Variants in KANK1 observed in about 807,000 individuals in gnomAD.
KANK1 encodes the protein KN motif and ankyrin repeat domains 1, also known as KN motif and ankyrin repeat domain-containing protein 1.
KANK1 carries 109 observed loss-of-function variants against 106.2 expected under a neutral mutation model. The observed-to-expected ratio is 1.03, with a 90% CI of 0.88 to 1.20. The LOEUF (loss-of-function observed/expected upper bound fraction) is 1.20, where lower values mean the gene tolerates loss of function less well. KANK1 is among the 50% of genes most tolerant of loss of function. The pLI is 0.00. For missense variants in KANK1, 2,399 were observed against 1,710.7 expected (o/e 1.40, Z -7.10); for synonymous variants, 873 against 652.2 (o/e 1.34, Z -5.16).
At chr9:602,042 G>C (rs1316362141) in intron 1 of KANK1, among the ~76,000 whole-genome samples, 1 of 151,836 alleles carries the variant, frequency 6.6e-6, no homozygotes, top group Non-Finnish European at 1.5e-5. Flanking sequence ...TCACTTTGAT[G>C]TAAAGTCATT....
In KANK1 at chr9:711,219, C is replaced by T. The variant is rs139301285; in HGVS notation, c.453C>T (p.Asn151=). 1.0e-4 allele frequency: 166 copies of T among 1,614,166 alleles called. No homozygotes were observed. In the African/African-American group the frequency reaches 1.9e-3, roughly 19 times the overall value. The stretch of plus-strand genomic sequence containing the variant: ...CCTCACCACAACTCCCAAAGCATAA[C>T]CTTCATGTCACCAAGACACTGATGG... ...PPPSPQLPKH[N]LHVTKTLMET... The change falls in exon 3 of 12, where the codon AAC becomes AAT. Residue 151 remains asparagine, a synonymous_variant. Coordinates refer to ENST00000382297, the MANE Select transcript of KANK1 (RefSeq NM_015158.5).
chr9:539,545 CA>C (rs1272861311), intron 1 of KANK1: 3 of 152,074 alleles, frequency 2.0e-5, no homozygotes, highest in Non-Finnish European at 4.4e-5. Context: ...AGCTAGAGTG[CA>C]GTGGTGCGAT....
At chr9:665,302 G>A (rs1844319250) in intron 1 of KANK1, among the ~76,000 whole-genome samples, 2 of 152,144 alleles carry the variant, frequency 1.3e-5, no homozygotes, top group Non-Finnish European at 2.9e-5. Flanking sequence ...AATTTCAGGT[G>A]TTAGATTTAA....
chr9:575,205 G>A (rs1274215781), intron 1 of KANK1, among the ~76,000 whole-genome samples: 1 of 152,190 alleles, frequency 6.6e-6, no homozygotes, highest in East Asian at 1.9e-4. Flanking sequence ...CCTTAAAACT[G>A]CATAGTAATA....
At chr9:575,405 T>G (rs1227917529) in intron 1 of KANK1, among the ~76,000 whole-genome samples, 19 of 152,042 alleles carry the variant, frequency 1.2e-4, no homozygotes. Context: ...CAGTGGCTCT[T>G]GCCTGTAATT....
chr9:485,175 G>A (rs1331004751), intron 3 of KANK1, among the ~76,000 whole-genome samples: 1 of 152,088 alleles, frequency 6.6e-6, no homozygotes, highest in Non-Finnish European at 1.5e-5. Context: ...TCAGGGAGTG[G>A]GTGTGGTATT....
intron 1 of KANK1, among the ~76,000 whole-genome samples, chr9:561,355 G>T (rs1243192698): frequency 2.0e-5 from 3 of 152,034 alleles, no homozygotes; most frequent in Admixed American, 6.5e-5. Flanking sequence ...TATTTGATAT[G>T]TTCATATGAT....
At chr9:633,590 C>T (rs187327462) in intron 1 of KANK1, among the ~76,000 whole-genome samples, 5 of 152,214 alleles carry the variant, frequency 3.3e-5, no homozygotes, top group Non-Finnish European at 7.3e-5. Flanking sequence ...ATTCCTGAAC[C>T]TGGCATATGA....
intron 1 of KANK1, among the ~76,000 whole-genome samples, chr9:552,384 T>A (rs2061337488): frequency 6.6e-6 from 1 of 152,166 alleles, no homozygotes; most frequent in Non-Finnish European, 1.5e-5. Flanking sequence ...TCAAACTCAT[T>A]TTTATGAAGG....
At chr9:572,150 AT>A (rs35843652) in intron 1 of KANK1, among the ~76,000 whole-genome samples, 45 of 111,340 alleles carry the variant, frequency 4.0e-4, no homozygotes, top group Non-Finnish European at 6.3e-4. Flanking sequence ...ATAAACAGTG[AT>A]TTTTTTTTTT....
At chr9:613,986 C>A (rs777579220) in intron 1 of KANK1, among the ~76,000 whole-genome samples, 10 of 152,080 alleles carry the variant, frequency 6.6e-5, no homozygotes, top group Non-Finnish European at 1.2e-4. Flanking sequence ...TATTTGAGGC[C>A]GGGAAGAAGG....
chr9:588,773 A>G (rs1266699821), intron 1 of KANK1, among the ~76,000 whole-genome samples: 2 of 152,142 alleles, frequency 1.3e-5, no homozygotes, highest in Non-Finnish European at 2.9e-5. Context: ...TCAAATCATG[A>G]CTGTGCTGTG....
In KANK1 at chr9:606,981, A is replaced by AT. The variant is rs3028173; in HGVS notation, c.-83-69902dup. Reference sequence around the variant, plus strand: ...AGTGTAGTTGCCCGTTCACATTTTTATTTTTTTAAGTATTTTATGCCCACG... The same window carrying AT: ...AGTGTAGTTGCCCGTTCACATTTTTATTTTTTTTAAGTATTTTATGCCCACG... On this transcript the variant is annotated intron_variant, in intron 1 of 11. Coordinates refer to ENST00000382297, the MANE Select transcript of KANK1 (RefSeq NM_015158.5). Among the ~76,000 whole-genome samples, 54 of 151,422 alleles carry AT rather than the reference A, an allele frequency of 3.6e-4. 2 individuals are homozygous for AT. The highest frequency in any genetic ancestry group is 1.2e-3 in the African/African-American group (49 of 40,904).
At chr9:581,170 C>G (rs146028032) in intron 1 of KANK1, among the ~76,000 whole-genome samples, 1 of 152,290 alleles carries the variant, frequency 6.6e-6, no homozygotes, top group East Asian at 1.9e-4. Context: ...CACATCTCCC[C>G]GCAAGCAGAG....
intron 2 of KANK1, among the ~76,000 whole-genome samples, chr9:691,751 C>G (rs1819989212): frequency 6.7e-6 from 1 of 148,484 alleles, no homozygotes; most frequent in African/African-American, 2.5e-5. Flanking sequence ...GAAACTGAGA[C>G]TACAGGGGCA....
intron 9 of KANK1, among the ~76,000 whole-genome samples, chr9:741,857 A>G (rs1835661968): frequency 6.8e-6 from 1 of 147,722 alleles, no homozygotes; most frequent in Non-Finnish European, 1.5e-5. Flanking sequence ...GAGCTCAGAC[A>G]ATCTGCCTGC....
At chr9:634,542 T>C (rs2885159) in intron 1 of KANK1, among the ~76,000 whole-genome samples, 99,486 of 152,078 alleles carry the variant, frequency 0.65, 35,189 homozygotes, top group African/African-American at 0.91. Flanking sequence ...GAAAGTATGC[T>C]TACATGTTAG....
chr9:689,510 C>G (rs1421242885), intron 2 of KANK1, among the ~76,000 whole-genome samples: 1 of 152,118 alleles, frequency 6.6e-6, no homozygotes, highest in Non-Finnish European at 1.5e-5. Context: ...AAGGAGGAGT[C>G]CTCATCCAAG....
rs200002705 is a variant in KANK1 at position 583,717 on chromosome 9, A to T, written c.-84+78963A>T. On this transcript the variant is annotated intron_variant, in intron 1 of 11. Coordinates refer to ENST00000382297, the MANE Select transcript of KANK1 (RefSeq NM_015158.5). ...ATATAAATCCATTATATAGTAATAT[A>T]TATTAACATATACTTCCTTTATTAA... 1.1e-4 allele frequency among the ~76,000 whole-genome samples: 17 copies of T among 150,668 alleles called. No homozygotes were observed. The East Asian group carries it at 3.3e-3, about 29-fold the overall frequency.
Sources: allele counts gnomAD v4.1 joint callset (sites outside exome capture counted in the v4.1 genomes callset), GRCh38; gene constraint gnomAD v4.1.1; transcripts MANE v1.5; gene names NCBI Gene and HGNC (gene_info 2026-07-23, HGNC 2026-07-21).